Variants in RBMS1 observed in about 807,000 individuals in gnomAD.
The protein encoded by RBMS1 is RNA-binding motif, single-stranded-interacting protein 1.
Under a neutral mutation model 62.3 loss-of-function variants are expected in RBMS1, and 17 were observed. That is an observed-to-expected ratio of 0.27 (90% CI 0.19 to 0.41). The LOEUF is 0.41. Among genes scored for constraint, RBMS1 ranks in the 10% least tolerant of loss-of-function variants. The pLI is 1.00. For synonymous variants in RBMS1, 172 were observed against 170.0 expected (o/e 1.01, Z -0.09); for missense variants, 334 against 504.5 (o/e 0.66, Z 3.24).
chr2:160,377,394 A>G (rs1278995687), intron 1 of RBMS1, among the ~76,000 whole-genome samples: 1 of 152,222 alleles, frequency 6.6e-6, no homozygotes, highest in Non-Finnish European at 1.5e-5. Flanking sequence ...AAGCACCTGC[A>G]CTGTTAAAAT....
chr2:160,320,953 C>T (rs528987718), intron 2 of RBMS1, among the ~76,000 whole-genome samples: 33 of 151,836 alleles, frequency 2.2e-4, no homozygotes, highest in Non-Finnish European at 4.3e-4. Context: ...AGGTATGACT[C>T]CAATTTGGGG....
chr2:160,452,050 A>C (rs1478529224), intron 1 of RBMS1, among the ~76,000 whole-genome samples: 1 of 152,184 alleles, frequency 6.6e-6, no homozygotes, highest in African/African-American at 2.4e-5. Context: ...GAACCCCTTA[A>C]AGAGGCTGTA....
intron 2 of RBMS1, among the ~76,000 whole-genome samples, chr2:160,335,460 T>C (rs182191200): frequency 6.6e-6 from 1 of 152,296 alleles, no homozygotes; most frequent in Non-Finnish European, 1.5e-5. Context: ...AATTGTTGTG[T>C]GTAAAAAATG....
chr2:160,304,879 T>G (rs893999087), intron 4 of RBMS1, among the ~76,000 whole-genome samples: 12 of 152,290 alleles, frequency 7.9e-5, no homozygotes, highest in African/African-American at 2.9e-4. Flanking sequence ...TTTTTTGAGA[T>G]GGAGTCTTGC....
At chr2:160,443,137 C>T (rs969620067) in intron 1 of RBMS1, among the ~76,000 whole-genome samples, 4 of 150,220 alleles carry the variant, frequency 2.7e-5, no homozygotes, top group Non-Finnish European at 5.9e-5. Context: ...ACCCAGGAGG[C>T]GGAGGTTGCA....
chr2:160,299,149 C>A (rs1310815970), intron 6 of RBMS1, among the ~76,000 whole-genome samples: 1 of 151,496 alleles, frequency 6.6e-6, no homozygotes, highest in Non-Finnish European at 1.5e-5. Context: ...TTCAACCACA[C>A]ACCAGGGAAT....
intron 9 of RBMS1, chr2:160,282,995 G>C (rs1274414370): frequency 3.3e-5 from 5 of 152,242 alleles, no homozygotes; most frequent in Non-Finnish European, 1.5e-5. Context: ...AGGAAATAAG[G>C]CCTCTGAAAT....
At chr2:160,378,363 C>G (rs1694106713) in intron 1 of RBMS1, among the ~76,000 whole-genome samples, 1 of 151,924 alleles carries the variant, frequency 6.6e-6, no homozygotes, top group Non-Finnish European at 1.5e-5. Flanking sequence ...GCCTGCATCC[C>G]AACACTTTGG....
intron 2 of RBMS1, among the ~76,000 whole-genome samples, chr2:160,360,779 C>A (rs1693084946): frequency 6.6e-6 from 1 of 152,164 alleles, no homozygotes; most frequent in South Asian, 2.1e-4. Context: ...TCAAGGTTAG[C>A]TTTCTTCTGG....
intron 1 of RBMS1, among the ~76,000 whole-genome samples, chr2:160,456,040 A>G (rs1257289651): frequency 2.6e-5 from 4 of 152,220 alleles, no homozygotes; most frequent in Admixed American, 6.5e-5. Flanking sequence ...TATTTGGAAA[A>G]TCAGTGAAAG....
Position 160,493,542 on chromosome 2 carries a change from T to TTCCTCCTCCTCCTCCTCCTCTTCC in RBMS1, c.-180_-179insGGAAGAGGAGGAGGAGGAGGAGGA. The TTCCTCCTCCTCCTCCTCCTCTTCC allele has an allele frequency of 4.0e-6, 2 of 494,570 alleles. No individual in the cohort carries two copies. The highest frequency in any genetic ancestry group is 3.5e-6 in the Non-Finnish European group (1 of 283,136). The allele number at this position is 494,570 out of a possible 1,614,324, so 30.6% of individuals were successfully genotyped here. A position where few individuals can be genotyped will look rare whatever the true frequency, so the allele number is the denominator to read the frequency against. Reference sequence around the variant, plus strand: ...AGACGTCCTCCTCCTCCTCCTCCTCTTCCTCCTCCTCCTCCTCCTCCTCCT... The same window carrying TTCCTCCTCCTCCTCCTCCTCTTCC: ...AGACGTCCTCCTCCTCCTCCTCCTCTTCCTCCTCCTCCTCCTCCTCTTCCTCCTCCTCCTCCTCCTCCTCCTCCT... On this transcript the variant is annotated 5_prime_UTR_variant, in exon 1 of 14. Transcript: ENST00000348849.
chr2:160,457,008 G>C (rs1684264924), intron 1 of RBMS1, among the ~76,000 whole-genome samples: 1 of 151,414 alleles, frequency 6.6e-6, no homozygotes, highest in Non-Finnish European at 1.5e-5. Flanking sequence ...AGATATGAGG[G>C]ACTTTGTATA....
At chr2:160,277,118 A>T (rs976322918) in intron 12 of RBMS1, among the ~76,000 whole-genome samples, 185 bp downstream of exon 12, 4 of 152,188 alleles carry the variant, frequency 2.6e-5, no homozygotes, top group Non-Finnish European at 5.9e-5. Flanking sequence ...ACTCCTGACC[A>T]TAAGCAATCC....
intron 1 of RBMS1, among the ~76,000 whole-genome samples, chr2:160,479,356 T>G (rs1685269591): frequency 6.6e-6 from 1 of 152,204 alleles, no homozygotes; most frequent in African/African-American, 2.4e-5. Context: ...CAGAATCAGC[T>G]CTGGATGCTG....
chr2:160,468,372 T>G (rs2105340949), intron 1 of RBMS1, among the ~76,000 whole-genome samples: 1 of 152,320 alleles, frequency 6.6e-6, no homozygotes, highest in East Asian at 1.9e-4. Context: ...GATTTAGTTT[T>G]GGACTGTTTG....
chr2:160,351,453 T>C (rs1209139748), intron 2 of RBMS1, among the ~76,000 whole-genome samples: 2 of 152,138 alleles, frequency 1.3e-5, no homozygotes, highest in Non-Finnish European at 2.9e-5. Context: ...AACCTCTGCA[T>C]ATGAAACACA....
In RBMS1 at chr2:160,273,796, A is replaced by G. The variant is rs1257363337; in HGVS notation, c.*976T>C. On this transcript the variant is annotated 3_prime_UTR_variant, in exon 14 of 14. Transcript: ENST00000348849. ...TTTTTTTTTTCCTGAAAAAAGGCAA[A>G]AAAGACTTTACATTGCATCATACAG... is the stretch of plus-strand genomic sequence containing the variant. The G allele has an allele frequency of 6.6e-6, 1 of 152,060 alleles. No individual in the cohort carries two copies. Among genetic ancestry groups the G allele is most frequent in the East Asian group, 1.9e-4 (1 of 5,190 alleles). The allele number at this position is 152,060 out of a possible 1,614,324, so 9.4% of individuals were successfully genotyped here.
At chr2:160,376,142 C>G (rs184936815) in intron 1 of RBMS1, among the ~76,000 whole-genome samples, 3 of 152,210 alleles carry the variant, frequency 2.0e-5, no homozygotes, top group Non-Finnish European at 4.4e-5. Context: ...AATACCCATT[C>G]AAAAACATAC....
rs987919070 is a variant in RBMS1, at chr2:160,300,499, G to A, written c.640+152C>T. ...CATCCAATGCCTATGCCTAGGGAGA[G>A]GTGAATTTTTAAGTCTTATTTCTAA... On this transcript the variant is annotated intron_variant, in intron 6 of 13. Transcript: ENST00000348849. 2.7e-6 allele frequency: 3 copies of A among 1,097,018 alleles called. No individual in the cohort carries two copies. In the African/African-American group the frequency reaches 4.9e-5, roughly 18 times the overall value. 68.0% of individuals were successfully genotyped at this position (1,097,018 alleles called of 1,614,324 possible).
Sources: allele counts gnomAD v4.1 joint callset (sites outside exome capture counted in the v4.1 genomes callset), GRCh38; gene constraint gnomAD v4.1.1; transcripts MANE v1.5; gene names NCBI Gene and HGNC (gene_info 2026-07-23, HGNC 2026-07-21).